PRMT3: variants seen among roughly 807,000 people sequenced by gnomAD.
PRMT3 encodes the protein protein arginine N-methyltransferase 3.
PRMT3 carries 62 observed loss-of-function variants against 71.9 expected under a neutral mutation model. The ratio of observed to expected loss-of-function variants is 0.86; its 90% CI spans 0.70 to 1.07. The LOEUF is 1.07. PRMT3 is among the 50% of genes least tolerant of loss of function. The pLI is 0.00. For missense variants in PRMT3, 663 were observed against 643.0 expected (o/e 1.03, Z -0.34); for synonymous variants, 213 against 220.4 (o/e 0.97, Z 0.30).
chr11:20,502,778 A>G (rs183802125), intron 15 of PRMT3, among the ~76,000 whole-genome samples: 1 of 152,326 alleles, frequency 6.6e-6, no homozygotes, highest in African/African-American at 2.4e-5. Context: ...ATGAAAGAGC[A>G]GCAACCATCA....
intron 9 of PRMT3, among the ~76,000 whole-genome samples, chr11:20,418,552 C>CT (rs1192932857): frequency 6.6e-6 from 1 of 151,998 alleles, no homozygotes; most frequent in Non-Finnish European, 1.5e-5. Context: ...ATAAACAGGC[C>CT]TAGCAGATGG....
At chr11:20,479,407 A>G (rs192058904) in intron 13 of PRMT3, among the ~76,000 whole-genome samples, 1 of 152,328 alleles carries the variant, frequency 6.6e-6, no homozygotes, top group East Asian at 1.9e-4. Flanking sequence ...TATTTGCATC[A>G]CTACCTTTCA....
At chr11:20,414,778 CTG>C (rs1281580988) in intron 9 of PRMT3, among the ~76,000 whole-genome samples, 3 of 151,982 alleles carry the variant, frequency 2.0e-5, no homozygotes, top group Non-Finnish European at 2.9e-5. Flanking sequence ...TTTATATTGC[CTG>C]TGTTTAGAAT....
chr11:20,389,667 A>G, intron 2 of PRMT3, 77 bp from the exon 3 acceptor site: 1 of 809,114 alleles, frequency 1.2e-6, no homozygotes, highest in Non-Finnish European at 1.9e-6. Context: ...AAAAAAAAAA[A>G]AGTGTATATG....
intron 13 of PRMT3, among the ~76,000 whole-genome samples, chr11:20,491,778 T>C (rs1806757570): frequency 6.6e-6 from 1 of 152,180 alleles, no homozygotes; most frequent in African/African-American, 2.4e-5. Context: ...CTGTGTGGGT[T>C]TGGATCTCAC....
intron 13 of PRMT3, among the ~76,000 whole-genome samples, chr11:20,476,724 T>C (rs1054466482): frequency 5.4e-5 from 8 of 147,584 alleles, no homozygotes; most frequent in African/African-American, 2.0e-4. Context: ...AGATATCTTT[T>C]AGTTGTACAA....
At chr11:20,497,213 G>A (rs1418468261) in intron 15 of PRMT3, among the ~76,000 whole-genome samples, 1 of 152,116 alleles carries the variant, frequency 6.6e-6, no homozygotes, top group Non-Finnish European at 1.5e-5. Context: ...GACTAGTGAA[G>A]TTTTAAAATC....
At chr11:20,455,378 T>C (rs556210742) in intron 11 of PRMT3, among the ~76,000 whole-genome samples, 3 of 152,262 alleles carry the variant, frequency 2.0e-5, no homozygotes, top group Non-Finnish European at 4.4e-5. Context: ...AATTATTAAG[T>C]ACATTTAGCA....
At chr11:20,420,384 A>G (rs1407812760) in intron 9 of PRMT3, among the ~76,000 whole-genome samples, 23 of 152,166 alleles carry the variant, frequency 1.5e-4, no homozygotes, top group Non-Finnish European at 3.4e-4. Context: ...CTAATATGAT[A>G]AAGAACAGGG....
chr11:20,394,981 C>G (rs1021418521), intron 5 of PRMT3, among the ~76,000 whole-genome samples: 3 of 152,072 alleles, frequency 2.0e-5, no homozygotes, highest in African/African-American at 4.8e-5. Flanking sequence ...ATGGGAAGAA[C>G]GTGGGCTGGG....
chr11:20,444,305 A>C (rs1418352367), intron 10 of PRMT3, among the ~76,000 whole-genome samples: 2 of 152,214 alleles, frequency 1.3e-5, no homozygotes, highest in East Asian at 3.8e-4. Flanking sequence ...TCATTCATTT[A>C]ACAAATAGTG....
chr11:20,406,932 T>C (rs1303525119), intron 8 of PRMT3: 1 of 152,244 alleles, frequency 6.6e-6, no homozygotes, highest in African/African-American at 2.4e-5. Flanking sequence ...TTTTAATAGT[T>C]CGTATATCCA....
intron 7 of PRMT3, among the ~76,000 whole-genome samples, chr11:20,398,897 A>C (rs1477694945): frequency 1.3e-5 from 2 of 152,224 alleles, no homozygotes; most frequent in Admixed American, 6.5e-5. Context: ...CCCTAGCATT[A>C]AGCAACATGT....
intron 12 of PRMT3, among the ~76,000 whole-genome samples, chr11:20,463,008 G>A (rs111577887): frequency 0.037 from 5,572 of 152,206 alleles, 306 homozygotes; most frequent in African/African-American, 0.12. Flanking sequence ...TGGGACTACA[G>A]GCATGCACCA....
chr11:20,406,390 G>C (rs571356583), intron 8 of PRMT3: 3 of 152,198 alleles, frequency 2.0e-5, no homozygotes, highest in Non-Finnish European at 4.4e-5. Context: ...GATATAAAGG[G>C]CTGACTGTAT....
chr11:20,392,611 T>C (rs2133296917), intron 4 of PRMT3, among the ~76,000 whole-genome samples: 1 of 151,784 alleles, frequency 6.6e-6, no homozygotes, highest in South Asian at 2.1e-4. Flanking sequence ...CTGTTTTTTT[T>C]CAGATACTTT....
intron 10 of PRMT3, among the ~76,000 whole-genome samples, chr11:20,448,557 T>C (rs1345944358): frequency 1.3e-5 from 2 of 152,154 alleles, no homozygotes; most frequent in African/African-American, 4.8e-5. Context: ...TTTGTAACTC[T>C]ACCTTGTCTT....
chr11:20,418,646 G>A (rs1276043167), intron 9 of PRMT3, among the ~76,000 whole-genome samples: 2 of 152,016 alleles, frequency 1.3e-5, no homozygotes, highest in African/African-American at 4.8e-5. Context: ...TCTTTTAAAA[G>A]AAGCTTGCCT....
intron 10 of PRMT3, among the ~76,000 whole-genome samples, chr11:20,438,898 C>T (rs1199386602): frequency 6.6e-6 from 1 of 152,172 alleles, no homozygotes; most frequent in Non-Finnish European, 1.5e-5. Context: ...GCTGCAGCTC[C>T]AGCTTGAGGG....
Sources: gnomAD v4.1 joint callset for allele counts (sites outside exome capture counted in the v4.1 genomes callset) on GRCh38, gnomAD v4.1.1 for gene constraint, MANE v1.5 for transcripts, NCBI Gene and HGNC (gene_info 2026-07-23, HGNC 2026-07-21) for gene names.